Variants in L3MBTL2 observed in about 807,000 individuals in gnomAD.
L3MBTL2 encodes the protein lethal(3)malignant brain tumor-like protein 2.
A neutral mutation model predicts 86.4 loss-of-function variants in L3MBTL2; 49 were observed. The ratio of observed to expected loss-of-function variants is 0.57; its 90% confidence interval spans 0.45 to 0.72. The LOEUF (loss-of-function observed/expected upper bound fraction) is 0.72, where lower values mean the gene tolerates loss of function less well. Ranked by LOEUF, L3MBTL2 falls within the 30% of genes least tolerant of loss-of-function variation. The pLI, the probability that L3MBTL2 is intolerant of heterozygous loss-of-function variation, is 0.00. For missense variants in L3MBTL2, 755 were observed against 923.7 expected (o/e 0.82, Z 2.37); for synonymous variants, 336 against 350.6 (o/e 0.96, Z 0.47).
intron 1 of L3MBTL2, among the ~76,000 whole-genome samples, chr22:41,208,046 G>A (rs9680596): frequency 0.026 from 4,020 of 152,104 alleles, 191 homozygotes; most frequent in African/African-American, 0.092. Flanking sequence ...TGGCCAGGAT[G>A]GTCTTGAACT....
At position 41,213,110 on chromosome 22, in the gene L3MBTL2, G is replaced by A. The variant is rs547489603; in HGVS notation, c.263-783G>A. Among the ~76,000 whole-genome samples, 8 of 151,384 alleles carry A rather than the reference G, an allele frequency of 5.3e-5. No individual in the cohort carries two copies. The South Asian group carries it at 1.5e-3, about 28-fold the overall frequency. On this transcript the variant is annotated intron_variant, in intron 2 of 16. Transcript: ENST00000216237. The stretch of plus-strand genomic sequence containing the variant: ...GCAGTGCCTGTAGTCCCAGCTACTC[G>A]GGAGGCTGATGCAGGAGAATGGCGT...
Position 41,224,330 on chromosome 22 carries a change from C to G in L3MBTL2, c.1174+79C>G, listed in dbSNP as rs985906601. 2.0e-5 allele frequency: 22 copies of G among 1,084,986 alleles called. No homozygotes were observed. The highest frequency in any genetic ancestry group is 2.6e-4 in the Middle Eastern group (1 of 3,860). The allele number at this position is 1,084,986 out of a possible 1,614,324, so 67.2% of individuals were successfully genotyped here. ...AGTGGGAGCACCTTCCTACTCGTCA[C>G]AGCAGGTCAGCAGGTGGAGGTTGGC... On this transcript the variant is annotated intron_variant, in intron 9 of 16. Transcript: ENST00000216237. The surrounding 1 kb of genome is among the most constrained non-coding windows in gnomAD (Gnocchi z 4.9).
intron 1 of L3MBTL2, among the ~76,000 whole-genome samples, chr22:41,205,635 G>A (rs1321186557): frequency 6.6e-6 from 1 of 152,164 alleles, no homozygotes; most frequent in African/African-American, 2.4e-5. Flanking sequence ...AAGGGAACTA[G>A]GTTTAGGATC....
chr22:41,228,282 C>T (rs2032331090), intron 15 of L3MBTL2: 1 of 985,430 alleles, frequency 1.0e-6, no homozygotes, highest in Non-Finnish European at 1.2e-6. Context: ...ACCTCGAGAC[C>T]TCTTTGAGGG....
In L3MBTL2 at chr22:41,216,269, T is replaced by A. The variant is rs750213400; in HGVS notation, c.520+7T>A. On this transcript the variant is annotated splice_region_variant and intron_variant, in intron 4 of 16. Coordinates refer to ENST00000216237, the MANE Select transcript of L3MBTL2 (RefSeq NM_031488.5). ...ACACCAACAGGACAAGACGGTAAGA[T>A]AGCAGAGGGCCCTGCTTAGGAAGCT... The A allele has an allele frequency of 6.2e-7, 1 of 1,612,228 alleles. No homozygotes were observed. Among genetic ancestry groups the A allele is most frequent in the East Asian group, 2.2e-5 (1 of 44,822 alleles).
intron 3 of L3MBTL2, 152 bp downstream of exon 3, chr22:41,214,178 G>A (rs2031144281): frequency 1.4e-6 from 1 of 701,012 alleles, no homozygotes; most frequent in South Asian, 1.9e-5. Context: ...GAGGACAGTA[G>A]AATCCATTTG....
intron 13 of L3MBTL2, 120 bp from the exon 14 acceptor site, chr22:41,226,969 C>A: frequency 2.2e-6 from 2 of 890,790 alleles, no homozygotes; most frequent in Admixed American, 2.2e-5. Context: ...GGAAGCTGCC[C>A]CAGCAGCCAT....
intron 2 of L3MBTL2, among the ~76,000 whole-genome samples, chr22:41,212,079 T>C (rs948551127): frequency 1.3e-5 from 2 of 151,058 alleles, no homozygotes; most frequent in Non-Finnish European, 2.9e-5. Flanking sequence ...TTAGCCAGGA[T>C]GGTCTCAATC....
rs1485072166 is a variant in L3MBTL2 at position 41,227,298 on chromosome 22, C to T, written c.1797C>T (p.Tyr599=). The change falls in exon 14 of 17, where the codon TAC becomes TAT. Residue 599 remains tyrosine, a synonymous_variant. Transcript: ENST00000216237. The surrounding 1 kb of genome is among the most constrained non-coding windows in gnomAD (Gnocchi z 6.0). ...TCGGCTGGTGTGAGCTCACCGGCTA[C>T]CAGCTCCAGCCTCCTGTGGCCGCAG... is the stretch of plus-strand genomic sequence containing the variant. ...YPVGWCELTG[Y]QLQPPVAAEP... The T allele has an allele frequency of 6.2e-7, 1 of 1,605,762 alleles. No homozygotes were observed.
intron 2 of L3MBTL2, 21 bp downstream of exon 2, chr22:41,209,954 G>A (rs2030584638): frequency 1.2e-6 from 2 of 1,610,354 alleles, no homozygotes; most frequent in African/African-American, 2.7e-5. Flanking sequence ...AGTGTCCCCT[G>A]AGGATGGAGA....
Position 41,224,934 on chromosome 22 carries a change from C to T in L3MBTL2, c.1252-33C>T. ...TCCCTCACCCTTCCTCCTGGCCTGC[C>T]CAGGGAGTCCCCAGCTGTCCCATTC... is the stretch of plus-strand genomic sequence containing the variant. On this transcript the variant is annotated intron_variant, in intron 10 of 16. Coordinates refer to ENST00000216237, the MANE Select transcript of L3MBTL2 (RefSeq NM_031488.5). This position sits in a 1 kb window ranked among gnomAD's most constrained non-coding sequence, Gnocchi z 4.9. 6.3e-7 allele frequency: 1 copy of T among 1,599,412 alleles called. No individual in the cohort carries two copies. The highest frequency in any genetic ancestry group is 1.1e-5 in the South Asian group (1 of 90,426).
intron 4 of L3MBTL2, among the ~76,000 whole-genome samples, chr22:41,216,820 A>C (rs1464195685): frequency 6.6e-6 from 1 of 152,184 alleles, no homozygotes; most frequent in African/African-American, 2.4e-5. Context: ...GGAGGGAGGA[A>C]TTTAAGCCCA....
intron 3 of L3MBTL2, among the ~76,000 whole-genome samples, chr22:41,215,521 C>T (rs1283450182): frequency 2.0e-5 from 3 of 152,330 alleles, no homozygotes; most frequent in Admixed American, 6.5e-5. Context: ...AATTCCTGGC[C>T]TTCCTGTTCA....
Position 41,226,701 on chromosome 22 carries a change from A to G in L3MBTL2, c.1544A>G (p.Glu515Gly), listed in dbSNP as rs569908148. 2.2e-5 allele frequency: 35 copies of G among 1,613,918 alleles called. 1 individual carries two copies. The South Asian group carries it at 3.6e-4, about 17-fold the overall frequency. Residue 515 changes from glutamate to glycine, a missense_variant, in exon 13 of 17, where the codon GAG becomes GGG. Physicochemically the swap from Glu to Gly is moderately conservative, Grantham distance 98. This residue lies in a region of L3MBTL2 where 634 missense variants were observed against 748.9 expected (regional missense o/e 0.85). Transcript: ENST00000216237. ...AQTFNWENYL[E>G]KTKSKAAPSR... ...ACTTTCAACTGGGAGAACTACTTGG[A>G]GAAGACCAAGTCGAAAGCCGCTCCA... is the stretch of plus-strand genomic sequence containing the variant.
chr22:41,211,069 CA>C (rs1277299952), intron 2 of L3MBTL2, among the ~76,000 whole-genome samples: 1 of 152,112 alleles, frequency 6.6e-6, no homozygotes, highest in Non-Finnish European at 1.5e-5. Flanking sequence ...ATCTGGAAGC[CA>C]GTTGACTTTG....
Position 41,220,884 on chromosome 22 carries a change from C to T in L3MBTL2, c.853+16C>T. 1 of 1,607,346 alleles carries T rather than the reference C, an allele frequency of 6.2e-7. No homozygotes were observed. The highest frequency in any genetic ancestry group is 8.5e-7 in the Non-Finnish European group (1 of 1,174,646). On this transcript the variant is annotated intron_variant, in intron 7 of 16. Transcript: ENST00000216237. ...CCCCCACGGAGTGAGTTGATGAGAA[C>T]ATTTCCTCTCTTGTTCCCGTAGGGC...
chr22:41,217,534 AG>A lies in L3MBTL2; in HGVS notation c.600+335del, dbSNP rs1255675148. On this transcript the variant is annotated intron_variant, in intron 5 of 16. Transcript: ENST00000216237. ...TTTGCAGCATTTTCCCATGGAAAGC[AG>A]GGTGCTTCTGTAGCTGGCCTGGGCC... 1.1e-5 allele frequency: 3 copies of A among 267,340 alleles called. No individual in the cohort carries two copies. The East Asian group carries it at 3.1e-4, about 28-fold the overall frequency. 16.6% of individuals were successfully genotyped at this position (267,340 alleles called of 1,614,324 possible). A position where few individuals can be genotyped will look rare whatever the true frequency, so the allele number is the denominator to read the frequency against.
At position 41,219,752 on chromosome 22, in the gene L3MBTL2, G is replaced by GT. The variant is rs543061173; in HGVS notation, c.718+224dup. Among the ~76,000 whole-genome samples, 63 of 151,964 alleles carry GT rather than the reference G, an allele frequency of 4.1e-4. 1 individual carries two copies. The South Asian group carries it at 0.012, about 29-fold the overall frequency. ...TTTTTTTGTTTGTTTTTGTTATTTT[G>GT]TTTTTTTTAGATGGTGTCTTGCTCT... On this transcript the variant is annotated intron_variant, in intron 6 of 16. Coordinates refer to ENST00000216237, the MANE Select transcript of L3MBTL2 (RefSeq NM_031488.5).
chr22:41,227,583 C>A lies in L3MBTL2; in HGVS notation c.1823-221C>A. ...TGCCCTTGTGCACCCAGGTAAACTA[C>A]CCAGGTCCCTCTGAGCAGCCCTGGT... On this transcript the variant is annotated intron_variant, in intron 14 of 16. Coordinates refer to ENST00000216237, the MANE Select transcript of L3MBTL2 (RefSeq NM_031488.5). This position sits in a 1 kb window ranked among gnomAD's most constrained non-coding sequence, Gnocchi z 6.0. 6.5e-7 allele frequency: 1 copy of A among 1,548,312 alleles called. No individual in the cohort carries two copies. Among genetic ancestry groups the A allele is most frequent in the Non-Finnish European group, 8.7e-7 (1 of 1,145,860 alleles).
Sources: gnomAD v4.1 joint callset for allele counts (sites outside exome capture counted in the v4.1 genomes callset) on GRCh38, gnomAD v4.1.1 for gene constraint, gnomAD v4.1.1 regional missense constraint, Gnocchi (gnomAD v3.1) non-coding constraint, MANE v1.5 for transcripts, NCBI Gene and HGNC (gene_info 2026-07-23, HGNC 2026-07-21) for gene names.